Variants in DOCK5 observed in about 807,000 individuals in gnomAD.
DOCK5 encodes dedicator of cytokinesis 5, also known as dedicator of cytokinesis protein 5.
A neutral mutation model predicts 251.8 loss-of-function variants in DOCK5; 142 were observed. The ratio of observed to expected loss-of-function variants is 0.56; its 90% CI spans 0.49 to 0.65. The LOEUF (loss-of-function observed/expected upper bound fraction) is 0.65. Among genes scored for constraint, DOCK5 ranks in the 30% least tolerant of loss-of-function variants. DOCK5 has a pLI of 0.00. For synonymous variants in DOCK5, 842 were observed against 835.5 expected, an observed-to-expected ratio of 1.01 and a Z score of -0.13; for missense variants, 2,111 against 2,312.3, an observed-to-expected ratio of 0.91 and a Z score of 1.79.
chr8:25,220,184 CCTTTCCTTTT>C (rs1802347948), intron 1 of DOCK5, among the ~76,000 whole-genome samples: 1 of 151,730 alleles, frequency 6.6e-6, no homozygotes, highest in Admixed American at 6.6e-5. Flanking sequence ...CCTTTCCTTT[CCTTTCCTTTT>C]CTTTGTGTGT....
At chr8:25,298,021 C>T (rs1007842549) in intron 7 of DOCK5, among the ~76,000 whole-genome samples, 14 of 149,576 alleles carry the variant, frequency 9.4e-5, no homozygotes, top group African/African-American at 3.5e-4. Flanking sequence ...CATACCACTG[C>T]ACTCCAGCCT....
intron 13 of DOCK5, among the ~76,000 whole-genome samples, chr8:25,316,478 A>T (rs550140059): frequency 6.6e-6 from 1 of 152,282 alleles, no homozygotes; most frequent in South Asian, 2.1e-4. Context: ...AAGATCATGT[A>T]TCAAAAAAAA....
intron 15 of DOCK5, among the ~76,000 whole-genome samples, chr8:25,320,111 A>G (rs1362416089): frequency 2.0e-5 from 3 of 152,162 alleles, no homozygotes; most frequent in Non-Finnish European, 2.9e-5. Context: ...AACTAGAACA[A>G]GCAGGTGTTG....
At chr8:25,200,136 G>A (rs776872422) in intron 1 of DOCK5, among the ~76,000 whole-genome samples, 5 of 152,214 alleles carry the variant, frequency 3.3e-5, no homozygotes, top group Non-Finnish European at 7.3e-5. Context: ...AAATGGCAAT[G>A]TGCTGTATCT....
At chr8:25,318,476 C>G (rs942097837) in intron 14 of DOCK5, among the ~76,000 whole-genome samples, 2 of 148,980 alleles carry the variant, frequency 1.3e-5, no homozygotes, top group African/African-American at 5.0e-5. Flanking sequence ...TCTCTCCTCT[C>G]CACTCCCCTC....
chr8:25,264,815 G>C (rs947905992), intron 2 of DOCK5, among the ~76,000 whole-genome samples: 2 of 150,908 alleles, frequency 1.3e-5, no homozygotes, highest in African/African-American at 4.9e-5. Flanking sequence ...TGACAGAGCA[G>C]GACTGTCTCA....
chr8:25,229,500 C>G (rs1194629621), intron 1 of DOCK5, among the ~76,000 whole-genome samples: 1 of 151,474 alleles, frequency 6.6e-6, no homozygotes, highest in East Asian at 1.9e-4. Flanking sequence ...AAGTGCAGTT[C>G]CGGTGAATTT....
intron 1 of DOCK5, among the ~76,000 whole-genome samples, chr8:25,214,376 G>C (rs79080500): frequency 2.0e-5 from 3 of 152,150 alleles, no homozygotes; most frequent in Non-Finnish European, 4.4e-5. Flanking sequence ...CGTGTTGGGT[G>C]TGTGTCTTGG....
At chr8:25,382,257 G>A (rs961369822) in intron 39 of DOCK5, among the ~76,000 whole-genome samples, 12 of 152,162 alleles carry the variant, frequency 7.9e-5, no homozygotes, top group African/African-American at 2.7e-4. Flanking sequence ...GATTATAGGC[G>A]TGAGCCACTG....
intron 38 of DOCK5, among the ~76,000 whole-genome samples, chr8:25,379,870 A>ACC (rs1801033689): frequency 6.8e-6 from 1 of 147,204 alleles, no homozygotes; most frequent in Admixed American, 6.7e-5. Context: ...ACACACACAC[A>ACC]CACCCATACA....
intron 39 of DOCK5, among the ~76,000 whole-genome samples, chr8:25,381,819 GCTTT>G (rs1202299683): frequency 1.3e-5 from 2 of 152,024 alleles, no homozygotes; most frequent in African/African-American, 4.8e-5. Flanking sequence ...TGGCTATTTT[GCTTT>G]CTTTAAGGCT....
intron 1 of DOCK5, among the ~76,000 whole-genome samples, chr8:25,190,153 C>T (rs1183456029): frequency 6.6e-6 from 1 of 152,214 alleles, no homozygotes; most frequent in Non-Finnish European, 1.5e-5. Flanking sequence ...TCCCAAAGTG[C>T]TGGGATTACA....
intron 48 of DOCK5, among the ~76,000 whole-genome samples, chr8:25,407,059 A>G (rs1801535536): frequency 6.6e-6 from 1 of 152,022 alleles, no homozygotes; most frequent in Admixed American, 6.6e-5. Flanking sequence ...TAAACAATTA[A>G]CCATAAAACT....
chr8:25,303,626 C>T (rs919420205), intron 10 of DOCK5, among the ~76,000 whole-genome samples: 4 of 152,124 alleles, frequency 2.6e-5, no homozygotes, highest in African/African-American at 9.7e-5. Context: ...CCTTTGGTTC[C>T]ATACTTACTA....
chr8:25,321,100 C>A, intron 16 of DOCK5, 48 bp downstream of exon 16: 1 of 1,548,156 alleles, frequency 6.5e-7, no homozygotes, highest in Non-Finnish European at 8.8e-7. Context: ...AAAAAATTTG[C>A]TCTGGCTTGA....
intron 51 of DOCK5, among the ~76,000 whole-genome samples, chr8:25,410,993 A>G (rs1229352558): frequency 3.8e-4 from 39 of 102,632 alleles, no homozygotes; most frequent in African/African-American, 1.1e-3. Context: ...GCACGCACGC[A>G]CGCACGCACG....
intron 28 of DOCK5, among the ~76,000 whole-genome samples, chr8:25,360,661 A>G (rs1057302221): frequency 4.6e-5 from 7 of 152,218 alleles, no homozygotes; most frequent in African/African-American, 1.7e-4. Flanking sequence ...GGCTCCATGC[A>G]TGGGAAATGC....
At chr8:25,290,079 T>C (rs1804448151) in intron 5 of DOCK5, among the ~76,000 whole-genome samples, 1 of 152,162 alleles carries the variant, frequency 6.6e-6, no homozygotes, top group African/African-American at 2.4e-5. Flanking sequence ...ATATAATATA[T>C]GGCGTATATA....
chr8:25,202,862 G>T (rs760750856), intron 1 of DOCK5, among the ~76,000 whole-genome samples: 11 of 152,158 alleles, frequency 7.2e-5, no homozygotes, highest in Non-Finnish European at 1.5e-4. Context: ...CACCAGCACT[G>T]CAATACCCCG....
Sources: gnomAD v4.1 joint callset for allele counts (sites outside exome capture counted in the v4.1 genomes callset) on GRCh38, gnomAD v4.1.1 for gene constraint, MANE v1.5 for transcripts, NCBI Gene and HGNC (gene_info 2026-07-23, HGNC 2026-07-21) for gene names.